Variants in TLK1 observed in about 807,000 individuals in gnomAD.
The protein encoded by TLK1 is tousled like kinase 1.
In TLK1, 24 loss-of-function variants were observed where a neutral mutation model predicts 105.3. The ratio of observed to expected loss-of-function variants is 0.23; its 90% CI spans 0.17 to 0.32. The LOEUF is 0.32. TLK1 is among the 10% of genes least tolerant of loss of function. The pLI, the probability that TLK1 is intolerant of heterozygous loss-of-function variation, is 1.00. For synonymous variants in TLK1, 321 were observed against 310.4 expected (o/e 1.03, Z -0.36); for missense variants, 558 against 910.5 (o/e 0.61, Z 4.98).
At chr2:171,086,580 C>T (rs1406375056) in intron 2 of TLK1, among the ~76,000 whole-genome samples, 1 of 150,744 alleles carries the variant, frequency 6.6e-6, no homozygotes, top group East Asian at 1.9e-4. Context: ...GAGCAGAGAT[C>T]GCACCACTAT....
intron 11 of TLK1, among the ~76,000 whole-genome samples, chr2:171,035,327 G>A (rs920776893): frequency 2.3e-5 from 3 of 132,246 alleles, no homozygotes; most frequent in Non-Finnish European, 4.9e-5. Context: ...GGGCACAAGA[G>A]CAAAACTCCG....
intron 2 of TLK1, among the ~76,000 whole-genome samples, chr2:171,102,144 A>C (rs1689719009): frequency 6.6e-6 from 1 of 152,164 alleles, no homozygotes; most frequent in African/African-American, 2.4e-5. Flanking sequence ...TCCAAATCAA[A>C]ACACAGATAG....
intron 2 of TLK1, among the ~76,000 whole-genome samples, chr2:171,116,697 CAA>C (rs71008750): frequency 2.9e-4 from 35 of 121,424 alleles, no homozygotes; most frequent in Admixed American, 3.5e-4. Context: ...GAGACTCCCT[CAA>C]AAAAAAAAAA....
chr2:171,128,480 G>A (rs1690961638), intron 1 of TLK1, among the ~76,000 whole-genome samples: 1 of 152,090 alleles, frequency 6.6e-6, no homozygotes, highest in Non-Finnish European at 1.5e-5. Context: ...CACTTAGAAA[G>A]CATTCAATAA....
At chr2:171,167,507 C>T (rs1018778025) in intron 1 of TLK1, among the ~76,000 whole-genome samples, 16 of 152,134 alleles carry the variant, frequency 1.1e-4, no homozygotes, top group African/African-American at 3.9e-4. Context: ...TAAGTTGGTT[C>T]TATCTTCATT....
At chr2:171,048,821 A>C (rs1198987753) in intron 10 of TLK1, among the ~76,000 whole-genome samples, 1 of 152,224 alleles carries the variant, frequency 6.6e-6, no homozygotes, top group Non-Finnish European at 1.5e-5. Context: ...TCTATTTCAA[A>C]TAACTGGATA....
intron 3 of TLK1, among the ~76,000 whole-genome samples, chr2:171,065,831 C>T (rs1687969136): frequency 6.6e-6 from 1 of 152,204 alleles, no homozygotes; most frequent in South Asian, 2.1e-4. Flanking sequence ...GCCACTGCGC[C>T]CAGCCCTCTC....
chr2:171,097,398 T>C (rs577025008), intron 2 of TLK1, among the ~76,000 whole-genome samples: 128 of 152,300 alleles, frequency 8.4e-4, no homozygotes, highest in African/African-American at 2.9e-3. Flanking sequence ...AAAAAGCTTG[T>C]TGACATTGGT....
At chr2:171,199,582 A>G (rs1057200880) in intron 1 of TLK1, among the ~76,000 whole-genome samples, 1 of 151,978 alleles carries the variant, frequency 6.6e-6, no homozygotes, top group African/African-American at 2.4e-5. Context: ...TTGAGTCCTA[A>G]AGCCCAGAAT....
chr2:171,002,953 A>G (rs1684455316), intron 18 of TLK1, among the ~76,000 whole-genome samples: 1 of 151,632 alleles, frequency 6.6e-6, no homozygotes, highest in Admixed American at 6.6e-5. Context: ...TCCATTTTCA[A>G]TTAGAGATAA....
intron 11 of TLK1, among the ~76,000 whole-genome samples, chr2:171,034,038 T>C (rs915280218): frequency 3.7e-4 from 56 of 152,096 alleles, no homozygotes; most frequent in African/African-American, 1.3e-3. Flanking sequence ...ATTAAGTCAT[T>C]AGGGAAATGC....
intron 2 of TLK1, among the ~76,000 whole-genome samples, chr2:171,111,976 C>T (rs973086711): frequency 6.6e-6 from 1 of 152,040 alleles, no homozygotes; most frequent in Non-Finnish European, 1.5e-5. Flanking sequence ...TTTTTTGAGA[C>T]AGTCTTGCTC....
chr2:171,161,517 C>G (rs146815962), upstream of TLK1, among the ~76,000 whole-genome samples: 1 of 152,224 alleles, frequency 6.6e-6, no homozygotes, highest in East Asian at 1.9e-4. Flanking sequence ...ATAAAACTTT[C>G]TCGTGTTTTC....
At chr2:171,005,483 C>G (rs572105745) in intron 18 of TLK1, among the ~76,000 whole-genome samples, 1 of 152,160 alleles carries the variant, frequency 6.6e-6, no homozygotes, top group African/African-American at 2.4e-5. Context: ...CAGTGGCTCA[C>G]GCCTGTAATC....
chr2:171,130,279 G>A (rs1392216792), intron 1 of TLK1, among the ~76,000 whole-genome samples: 3 of 152,186 alleles, frequency 2.0e-5, no homozygotes, highest in Non-Finnish European at 2.9e-5. Flanking sequence ...GCATGTGCCT[G>A]TAGTCTCAGC....
chr2:171,118,329 T>G (rs1341117839), intron 1 of TLK1, among the ~76,000 whole-genome samples: 1 of 152,220 alleles, frequency 6.6e-6, no homozygotes, highest in Non-Finnish European at 1.5e-5. Flanking sequence ...ATCTCCCTAT[T>G]CTGAGCATAC....
chr2:171,048,748 G>C (rs1440099003), intron 10 of TLK1, among the ~76,000 whole-genome samples: 2 of 113,766 alleles, frequency 1.8e-5, no homozygotes. Flanking sequence ...TCTGTGGCAA[G>C]TCCTAGGAGG....
chr2:170,997,970 G>A, intron 18 of TLK1, 147 bp from the exon 19 acceptor site: 1 of 486,966 alleles, frequency 2.1e-6, no homozygotes. Context: ...AACTTCTGGA[G>A]CATTTACATT....
At chr2:171,080,777 G>C (rs2105475067) in intron 3 of TLK1, among the ~76,000 whole-genome samples, 1 of 151,212 alleles carries the variant, frequency 6.6e-6, no homozygotes, top group Non-Finnish European at 1.5e-5. Flanking sequence ...GCACAATCAT[G>C]GCTCATTGCA....
Sources: allele counts gnomAD v4.1 joint callset (sites outside exome capture counted in the v4.1 genomes callset), GRCh38; gene constraint gnomAD v4.1.1; transcripts MANE v1.5; gene names NCBI Gene and HGNC (gene_info 2026-07-23, HGNC 2026-07-21).